Variants in ARHGAP8 observed in about 807,000 individuals in gnomAD.
ARHGAP8 encodes the protein rho GTPase-activating protein 8.
A neutral mutation model predicts 46.1 loss-of-function variants in ARHGAP8; 62 were observed. The ratio of observed to expected loss-of-function variants is 1.34; its 90% CI spans 1.10 to 1.66. The LOEUF (loss-of-function observed/expected upper bound fraction) is 1.66, where lower values mean the gene tolerates loss of function less well. Ranked by LOEUF, ARHGAP8 falls within the 40% of genes most tolerant of loss-of-function variation. ARHGAP8 has a pLI of 0.00. For synonymous variants in ARHGAP8, 375 were observed against 243.1 expected (o/e 1.54, Z -5.05); for missense variants, 923 against 568.4 (o/e 1.62, Z -6.34).
chr22:44,786,398 C>T, intron 1 of ARHGAP8, 59 bp from the exon 2 acceptor site: 1 of 1,531,926 alleles, frequency 6.5e-7, no homozygotes, highest in Non-Finnish European at 8.8e-7. Flanking sequence ...TCAGGAGGCT[C>T]CCTCATTCCC....
Position 44,862,714 on chromosome 22 carries a change from A to C in ARHGAP8, c.*119A>C, listed in dbSNP as rs1569192755. On this transcript the variant is annotated 3_prime_UTR_variant, in exon 12 of 12. Transcript: ENST00000356099. ...CATTAGATGAATTCAGAACCTTCTA[A>C]TGAAAACTCCATGCCTCTGGTCCTT... is the stretch of plus-strand genomic sequence containing the variant. 6.4e-6 allele frequency: 8 copies of C among 1,249,432 alleles called. No individual in the cohort carries two copies. The highest frequency in any genetic ancestry group is 6.4e-6 in the Non-Finnish European group (6 of 931,324). The allele number at this position is 1,249,432 out of a possible 1,614,324, so 77.4% of individuals were successfully genotyped here.
chr22:44,858,923 T>A (rs1221359734), intron 10 of ARHGAP8, among the ~76,000 whole-genome samples: 1 of 151,776 alleles, frequency 6.6e-6, no homozygotes, highest in East Asian at 1.9e-4. Flanking sequence ...GTGGGCCTTG[T>A]AGTCTCTGTT....
At chr22:44,845,206 T>C (rs2069923449) in intron 7 of ARHGAP8, 63 bp from the exon 8 acceptor site, 18 of 1,604,374 alleles carry the variant, frequency 1.1e-5, no homozygotes, top group Non-Finnish European at 1.4e-5. Context: ...CCAGCGCCTC[T>C]TCTCATTGTG....
At chr22:44,781,555 C>T (rs1219217902) in intron 1 of ARHGAP8, among the ~76,000 whole-genome samples, 2 of 152,146 alleles carry the variant, frequency 1.3e-5, no homozygotes, top group African/African-American at 4.8e-5. Context: ...CAGAGTTTCA[C>T]TCTTGTTGCC....
chr22:44,780,549 C>T (rs912920875), intron 1 of ARHGAP8, among the ~76,000 whole-genome samples: 1 of 151,638 alleles, frequency 6.6e-6, no homozygotes, highest in African/African-American at 2.4e-5. Flanking sequence ...GTAGTCCCAG[C>T]TACTCAGGAG....
intron 7 of ARHGAP8, among the ~76,000 whole-genome samples, chr22:44,832,266 G>A (rs964528049): frequency 8.0e-6 from 1 of 124,988 alleles, no homozygotes; most frequent in Admixed American, 1.0e-4. Context: ...TTGCCCTGTT[G>A]CCTAGGCTGG....
chr22:44,763,491 C>CAAAAAAAA (rs370437700), intron 1 of ARHGAP8, among the ~76,000 whole-genome samples: 1 of 78,502 alleles, frequency 1.3e-5, no homozygotes, highest in Non-Finnish European at 2.4e-5. Context: ...GACTCTGTCT[C>CAAAAAAAA]AAAAAAAAAA....
At chr22:44,779,592 T>TG (rs1926691126) in intron 1 of ARHGAP8, among the ~76,000 whole-genome samples, 1 of 124,656 alleles carries the variant, frequency 8.0e-6, no homozygotes, top group Non-Finnish European at 1.7e-5. Context: ...GTTGGAGTCT[T>TG]GCTCTGTCAC....
chr22:44,797,545 T>C (rs996383435), intron 2 of ARHGAP8, among the ~76,000 whole-genome samples: 4 of 152,168 alleles, frequency 2.6e-5, no homozygotes, highest in African/African-American at 9.7e-5. Context: ...AGAAGCTTGC[T>C]AAACAAATGG....
At chr22:44,859,968 GC>G (rs1316126803) in intron 11 of ARHGAP8, 134 bp downstream of exon 11, 7 of 1,071,972 alleles carry the variant, frequency 6.5e-6, no homozygotes, top group Non-Finnish European at 9.2e-6. Context: ...ACCACTCCCT[GC>G]CCCCCAAGGA....
At chr22:44,779,098 T>TTC (rs200721836) in intron 1 of ARHGAP8, among the ~76,000 whole-genome samples, 43,973 of 87,932 alleles carry the variant, frequency 0.5, 8,537 homozygotes, top group East Asian at 0.58. Flanking sequence ...GGTCTCTGAC[T>TTC]TTTTTTTTTT....
intron 1 of ARHGAP8, among the ~76,000 whole-genome samples, chr22:44,759,533 G>T (rs561880201): frequency 1.3e-5 from 2 of 152,226 alleles, no homozygotes; most frequent in South Asian, 4.1e-4. Flanking sequence ...TTGATCAGGG[G>T]TTAGCTATTC....
chr22:44,758,475 C>T (rs977722555), intron 1 of ARHGAP8, among the ~76,000 whole-genome samples: 4 of 152,146 alleles, frequency 2.6e-5, no homozygotes, highest in African/African-American at 9.7e-5. Context: ...CTCCGTGAAT[C>T]CCCACTTTAA....
intron 2 of ARHGAP8, among the ~76,000 whole-genome samples, chr22:44,791,485 C>T (rs756911098): frequency 1.3e-5 from 2 of 152,084 alleles, no homozygotes; most frequent in Non-Finnish European, 2.9e-5. Flanking sequence ...AGGTGGATCA[C>T]CTGAGATCAG....
rs1491153389 is a variant in ARHGAP8 at position 44,806,161 on chromosome 22, TCA to T, written c.168-2145_168-2144del. Among the ~76,000 whole-genome samples the T allele has an allele frequency of 3.9e-5, 6 of 152,300 alleles. No homozygotes were observed. The East Asian group carries it at 1.2e-3, about 29-fold the overall frequency. On this transcript the variant is annotated intron_variant, in intron 3 of 11. Coordinates refer to ENST00000356099, the MANE Select transcript of ARHGAP8 (RefSeq NM_181335.3). ...AGAAGTGAGGAGGAGTGAAGAGTTC[TCA>T]GTGGTTCGTGGACTCTTCCACCCCT...
chr22:44,820,631 C>T (rs996453547), intron 5 of ARHGAP8, among the ~76,000 whole-genome samples: 2 of 152,148 alleles, frequency 1.3e-5, no homozygotes, highest in African/African-American at 2.4e-5. Context: ...TTCCTCCCTC[C>T]CCTTGTGCTT....
chr22:44,785,694 A>G (rs1927167656), intron 1 of ARHGAP8, among the ~76,000 whole-genome samples: 1 of 152,164 alleles, frequency 6.6e-6, no homozygotes, highest in Non-Finnish European at 1.5e-5. Flanking sequence ...CTTGAAATTC[A>G]AAATTCCTGT....
chr22:44,861,461 C>G (rs1054910274), intron 11 of ARHGAP8, among the ~76,000 whole-genome samples: 2 of 118,030 alleles, frequency 1.7e-5, no homozygotes, highest in African/African-American at 3.1e-5. Flanking sequence ...GCTTGGGGGA[C>G]CGGCAGCCAG....
intron 7 of ARHGAP8, among the ~76,000 whole-genome samples, chr22:44,827,590 G>A (rs994239887): frequency 9.2e-5 from 14 of 151,974 alleles, no homozygotes; most frequent in African/African-American, 3.4e-4. Context: ...TGATCCACCT[G>A]CCTCGGCCTC....
Sources: gnomAD v4.1 joint callset for allele counts (sites outside exome capture counted in the v4.1 genomes callset) on GRCh38, gnomAD v4.1.1 for gene constraint, MANE v1.5 for transcripts, NCBI Gene and HGNC (gene_info 2026-07-23, HGNC 2026-07-21) for gene names.